The following ASIC2 variants were observed in gnomAD, a reference collection of about 807,000 sequenced individuals.
ASIC2 encodes the protein acid sensing ion channel subunit 2, also known as acid-sensing ion channel 2.
A neutral mutation model predicts 57.3 loss-of-function variants in ASIC2; 25 were observed. The observed-to-expected ratio is 0.44, with a 90% CI of 0.32 to 0.61. ASIC2 has a LOEUF of 0.61. Among genes scored for constraint, ASIC2 ranks in the 20% least tolerant of loss-of-function variants. ASIC2 has a pLI of 0.06. For missense variants in ASIC2, 641 were observed against 738.1 expected, an observed-to-expected ratio of 0.87 and a Z score of 1.52; for synonymous variants, 319 against 307.5, an observed-to-expected ratio of 1.04 and a Z score of -0.39.
At chr17:33,336,560 C>G (rs775448652) in intron 1 of ASIC2, among the ~76,000 whole-genome samples, 3 of 152,134 alleles carry the variant, frequency 2.0e-5, no homozygotes, top group Non-Finnish European at 4.4e-5. Context: ...AGAGATTCCC[C>G]AGTCCCCTGT....
intron 1 of ASIC2, among the ~76,000 whole-genome samples, chr17:33,863,749 C>T (rs927864362): frequency 2.6e-5 from 4 of 152,050 alleles, no homozygotes; most frequent in Non-Finnish European, 4.4e-5. Context: ...AATATGCTTC[C>T]GACAATCTCT....
At chr17:33,591,579 G>A (rs1163932599) in intron 1 of ASIC2, among the ~76,000 whole-genome samples, 1 of 152,156 alleles carries the variant, frequency 6.6e-6, no homozygotes, top group Non-Finnish European at 1.5e-5. Flanking sequence ...CAGCTGCTAG[G>A]GGTAGTGGGT....
intron 1 of ASIC2, among the ~76,000 whole-genome samples, chr17:33,520,620 C>A (rs1481581891): frequency 1.3e-5 from 2 of 152,200 alleles, no homozygotes; most frequent in Non-Finnish European, 2.9e-5. Context: ...CACGAGAGGG[C>A]GGCAGTGAGC....
At chr17:33,894,554 G>A (rs930624143) in intron 1 of ASIC2, among the ~76,000 whole-genome samples, 5 of 152,030 alleles carry the variant, frequency 3.3e-5, no homozygotes, top group Non-Finnish European at 4.4e-5. Context: ...ACATTTTGCC[G>A]TTATTCAGAC....
chr17:33,729,134 T>A (rs1458513204), intron 1 of ASIC2, among the ~76,000 whole-genome samples: 5 of 152,194 alleles, frequency 3.3e-5, no homozygotes, highest in African/African-American at 1.2e-4. Context: ...CTTATGGCTC[T>A]GCAGAGTGTA....
intron 1 of ASIC2, among the ~76,000 whole-genome samples, chr17:34,042,684 A>T (rs1597990137): frequency 1.3e-5 from 2 of 152,332 alleles, no homozygotes; most frequent in East Asian, 3.9e-4. Flanking sequence ...ATCAAATTGT[A>T]TAATTTGGGA....
chr17:33,265,082 C>T (rs1023735679), intron 1 of ASIC2, among the ~76,000 whole-genome samples: 1 of 152,202 alleles, frequency 6.6e-6, no homozygotes, highest in African/African-American at 2.4e-5. Flanking sequence ...GTTTCTTGGC[C>T]TCTCTGGGTC....
chr17:33,916,177 G>A (rs558781976), intron 1 of ASIC2, among the ~76,000 whole-genome samples: 1 of 152,280 alleles, frequency 6.6e-6, no homozygotes, highest in Non-Finnish European at 1.5e-5. Context: ...GGCTAGGCAT[G>A]CAACTCCAGG....
At chr17:34,099,156 GAGAGAGAGAAAGAA>G (rs1567820904) in intron 1 of ASIC2, among the ~76,000 whole-genome samples, 15 of 12,590 alleles carry the variant, frequency 1.2e-3, no homozygotes, top group African/African-American at 3.6e-3. Flanking sequence ...CAGAGAGAGA[GAGAGAGAGAAAGAA>G]AGAAAGAAAG....
intron 3 of ASIC2, among the ~76,000 whole-genome samples, chr17:33,075,171 G>C (rs1351203828): frequency 6.6e-6 from 1 of 152,184 alleles, no homozygotes; most frequent in Non-Finnish European, 1.5e-5. Flanking sequence ...CTGTTCTCAT[G>C]GTAGTGAATA....
intron 3 of ASIC2, among the ~76,000 whole-genome samples, chr17:33,075,812 G>C (rs1567735596): frequency 6.6e-6 from 1 of 152,150 alleles, no homozygotes; most frequent in African/African-American, 2.4e-5. Context: ...GCATGGAAGT[G>C]AAGGACCCAT....
At chr17:33,232,925 C>G (rs1201093216) in intron 1 of ASIC2, among the ~76,000 whole-genome samples, 1 of 152,092 alleles carries the variant, frequency 6.6e-6, no homozygotes, top group Non-Finnish European at 1.5e-5. Context: ...TTGTATGGCC[C>G]CTTTGGTGGG....
At chr17:33,562,465 G>GA (rs1350420098) in intron 1 of ASIC2, among the ~76,000 whole-genome samples, 1 of 152,162 alleles carries the variant, frequency 6.6e-6, no homozygotes, top group Non-Finnish European at 1.5e-5. Flanking sequence ...TCCCAGCTTG[G>GA]AAAAAAGCAG....
At chr17:33,670,511 A>G (rs1433169704) in intron 1 of ASIC2, among the ~76,000 whole-genome samples, 1 of 152,236 alleles carries the variant, frequency 6.6e-6, no homozygotes, top group East Asian at 1.9e-4. Context: ...CTCAACGGTG[A>G]CGAAGGCTTC....
chr17:33,176,182 T>A (rs1354491525), intron 1 of ASIC2, among the ~76,000 whole-genome samples: 6 of 152,186 alleles, frequency 3.9e-5, no homozygotes, highest in African/African-American at 1.4e-4. Context: ...GCAGACAGCA[T>A]CCTGTGGGCT....
chr17:33,022,568 T>G (rs559205698), intron 6 of ASIC2, among the ~76,000 whole-genome samples: 4 of 152,358 alleles, frequency 2.6e-5, no homozygotes, highest in Admixed American at 1.3e-4. Flanking sequence ...GACATATCCA[T>G]GTTCCCCTTT....
At chr17:33,564,639 G>A (rs1403282932) in intron 1 of ASIC2, among the ~76,000 whole-genome samples, 1 of 152,240 alleles carries the variant, frequency 6.6e-6, no homozygotes, top group East Asian at 1.9e-4. Flanking sequence ...GTGCCAGCAA[G>A]CCACCCCTAG....
chr17:34,000,672 CA>C (rs1906311232), intron 1 of ASIC2: 1 of 152,190 alleles, frequency 6.6e-6, no homozygotes, highest in Non-Finnish European at 1.5e-5. Context: ...GCTTTCTGCC[CA>C]TTACTCTTTC....
At chr17:33,786,157 C>A (rs1475477478) in intron 1 of ASIC2, among the ~76,000 whole-genome samples, 2 of 152,114 alleles carry the variant, frequency 1.3e-5, no homozygotes, top group Non-Finnish European at 1.5e-5. Flanking sequence ...GGCAGAGTAA[C>A]AGGCTGTGGG....
Sources: gnomAD v4.1 joint callset for allele counts (sites outside exome capture counted in the v4.1 genomes callset) on GRCh38, gnomAD v4.1.1 for gene constraint, MANE v1.5 for transcripts, NCBI Gene and HGNC (gene_info 2026-07-23, HGNC 2026-07-21) for gene names.